EXD3: variants seen among roughly 807,000 people sequenced by gnomAD.
The protein encoded by EXD3 is exonuclease 3'-5' domain containing 3, also known as exonuclease mut-7 homolog.
Under a neutral mutation model 98.0 loss-of-function variants are expected in EXD3, and 92 were observed. The observed-to-expected ratio is 0.94, with a 90% confidence interval of 0.79 to 1.12. The LOEUF (loss-of-function observed/expected upper bound fraction) is 1.12. EXD3 is among the 50% of genes most tolerant of loss of function. EXD3 has a pLI of 0.00. For missense variants in EXD3, 1,222 were observed against 1,191.6 expected (o/e 1.03, Z -0.38); for synonymous variants, 569 against 526.0 (o/e 1.08, Z -1.12).
At chr9:137,314,000 G>A (rs1052644042) in intron 19 of EXD3, among the ~76,000 whole-genome samples, 1 of 152,122 alleles carries the variant, frequency 6.6e-6, no homozygotes, top group Non-Finnish European at 1.5e-5. Context: ...GCCGTCCCAG[G>A]ATGGACATTG....
chr9:137,393,753 C>T lies in EXD3; in HGVS notation c.55+1550G>A, dbSNP rs574593268. ...CACAGAGGGGAGGGCCATGGCCCTG[C>T]CCCATGGAGGGGCTGCCAGGCAGGG... On this transcript the variant is annotated intron_variant, in intron 2 of 21. Coordinates refer to ENST00000340951, the MANE Select transcript of EXD3 (RefSeq NM_017820.5). The surrounding 1 kb of genome is among the most constrained non-coding windows in gnomAD (Gnocchi z 4.6). Among the ~76,000 whole-genome samples, 307 of 152,278 alleles carry T rather than the reference C, an allele frequency of 2.0e-3. No homozygotes were observed. Among genetic ancestry groups the T allele is most frequent in the African/African-American group, 7.1e-3 (294 of 41,552 alleles).
At chr9:137,390,360 A>G (rs1336749894) in intron 2 of EXD3, among the ~76,000 whole-genome samples, 1 of 149,622 alleles carries the variant, frequency 6.7e-6, no homozygotes, top group Non-Finnish European at 1.5e-5. Context: ...TGAACCCGGG[A>G]GGCGGAGGTT....
chr9:137,318,171 G>A (rs986424177), intron 19 of EXD3, among the ~76,000 whole-genome samples: 11 of 152,272 alleles, frequency 7.2e-5, no homozygotes, highest in African/African-American at 2.2e-4. Flanking sequence ...TGAACGCTGG[G>A]GGCAGCTGTC....
intron 14 of EXD3, among the ~76,000 whole-genome samples, chr9:137,350,507 T>G (rs1261965799): frequency 1.8e-4 from 4 of 21,940 alleles, no homozygotes; most frequent in Non-Finnish European, 3.4e-4. Context: ...CGGGGAAGGT[T>G]CTAGATAGAG....
At chr9:137,348,553 T>C (rs1255231287) in intron 16 of EXD3, among the ~76,000 whole-genome samples, 1 of 66,470 alleles carries the variant, frequency 1.5e-5, no homozygotes, top group Non-Finnish European at 2.9e-5. Context: ...GGGGGTTAGA[T>C]AGAGAGGGGT....
intron 2 of EXD3, among the ~76,000 whole-genome samples, chr9:137,390,151 C>T (rs890308825): frequency 2.7e-5 from 3 of 111,234 alleles, no homozygotes; most frequent in Admixed American, 9.2e-5. Flanking sequence ...AAAAAAATGG[C>T]CGGGCGCGGT....
At chr9:137,422,383 C>G (rs1384412602) in intron 1 of EXD3, among the ~76,000 whole-genome samples, 1 of 152,094 alleles carries the variant, frequency 6.6e-6, no homozygotes, top group Non-Finnish European at 1.5e-5. Context: ...CAAATGAAAC[C>G]GCAGCCCCTC....
intron 11 of EXD3, 25 bp from the exon 12 acceptor site, chr9:137,352,226 C>T (rs754481090): frequency 3.7e-6 from 6 of 1,611,678 alleles, no homozygotes; most frequent in African/African-American, 1.3e-5. Context: ...GCTGGTAGCG[C>T]CCCCATGTCC....
intron 1 of EXD3, among the ~76,000 whole-genome samples, chr9:137,402,340 T>C (rs1456699540): frequency 6.6e-6 from 1 of 152,178 alleles, no homozygotes; most frequent in Non-Finnish European, 1.5e-5. Context: ...AGCATCCAAG[T>C]CAGCTTTTGA....
At position 137,324,179 on chromosome 9, in the gene EXD3, AG is replaced by A; in HGVS notation, c.1999-37del. 6.5e-7 allele frequency: 1 copy of A among 1,543,850 alleles called. No individual in the cohort carries two copies. Among genetic ancestry groups the A allele is most frequent in the Non-Finnish European group, 8.8e-7 (1 of 1,139,344 alleles). ...GGTGCGACCAGCACATAAAGGGGGC[AG>A]CTCCGTGCTCCTGGACTGGGCCACC... On this transcript the variant is annotated intron_variant, in intron 17 of 21. Coordinates refer to ENST00000340951, the MANE Select transcript of EXD3 (RefSeq NM_017820.5). This position sits in a 1 kb window ranked among gnomAD's most constrained non-coding sequence, Gnocchi z 4.1.
intron 1 of EXD3, among the ~76,000 whole-genome samples, chr9:137,408,440 C>T (rs1018014338): frequency 6.6e-6 from 1 of 150,412 alleles, no homozygotes; most frequent in Non-Finnish European, 1.5e-5. Flanking sequence ...CCAGCTACTC[C>T]GGAGGCTGAG....
At chr9:137,330,117 A>G (rs1465696650) in intron 17 of EXD3, among the ~76,000 whole-genome samples, 1 of 111,560 alleles carries the variant, frequency 9.0e-6, no homozygotes, top group Non-Finnish European at 1.9e-5. Flanking sequence ...GCTACACAGG[A>G]GCTACACAGG....
chr9:137,317,859 G>T (rs1831774913), intron 19 of EXD3, among the ~76,000 whole-genome samples: 1 of 152,188 alleles, frequency 6.6e-6, no homozygotes, highest in Non-Finnish European at 1.5e-5. Flanking sequence ...AGAGCTCTGG[G>T]GCTGGGCCCC....
At chr9:137,336,906 A>T (rs1833381373) in intron 17 of EXD3, among the ~76,000 whole-genome samples, 1 of 152,164 alleles carries the variant, frequency 6.6e-6, no homozygotes, top group African/African-American at 2.4e-5. Context: ...CCCAAATTCT[A>T]TCAATACTTA....
intron 2 of EXD3, among the ~76,000 whole-genome samples, chr9:137,391,163 C>A (rs1179550514): frequency 6.6e-6 from 1 of 152,252 alleles, no homozygotes; most frequent in Non-Finnish European, 1.5e-5. Flanking sequence ...ACAGCCACAG[C>A]CCACCAGTGA....
chr9:137,377,940 CAGG>C (rs1444230798), intron 3 of EXD3, among the ~76,000 whole-genome samples: 1 of 150,904 alleles, frequency 6.6e-6, no homozygotes, highest in East Asian at 2.0e-4. Context: ...ATTACAGGTG[CAGG>C]CCACCACGCC....
At chr9:137,400,678 T>C (rs146808837) in intron 1 of EXD3, among the ~76,000 whole-genome samples, 1,739 of 151,426 alleles carry the variant, frequency 0.011, 24 homozygotes, top group African/African-American at 0.039. Context: ...GGCAGGAGAA[T>C]CACTCGAACC....
intron 1 of EXD3, among the ~76,000 whole-genome samples, chr9:137,417,713 C>G (rs1186283391): frequency 2.0e-5 from 3 of 152,284 alleles, no homozygotes; most frequent in Admixed American, 6.5e-5. Flanking sequence ...GAGGTCGGCG[C>G]AGGCGACATC....
Position 137,330,023 on chromosome 9 carries a change from C to T in EXD3, c.1999-5880G>A, listed in dbSNP as rs1272204687. Among the ~76,000 whole-genome samples, 3 of 93,550 alleles carry T rather than the reference C, an allele frequency of 3.2e-5. No individual in the cohort carries two copies. The East Asian group carries it at 1.3e-3, about 39-fold the overall frequency. 61.4% of individuals were successfully genotyped at this position (93,550 alleles called of 152,430 possible). On this transcript the variant is annotated intron_variant, in intron 17 of 21. Transcript: ENST00000340951. ...AGGAGCTACACAGGACTACACAGGA[C>T]TACACAGGACTACACCGGAGCTACA... is the stretch of plus-strand genomic sequence containing the variant.
Sources: gnomAD v4.1 joint callset for allele counts (sites outside exome capture counted in the v4.1 genomes callset) on GRCh38, gnomAD v4.1.1 for gene constraint, Gnocchi (gnomAD v3.1) non-coding constraint, MANE v1.5 for transcripts, NCBI Gene and HGNC (gene_info 2026-07-23, HGNC 2026-07-21) for gene names.